SETD1B: variants seen among roughly 807,000 people sequenced by gnomAD.
SETD1B encodes the protein histone-lysine N-methyltransferase SETD1B.
A neutral mutation model predicts 148.0 loss-of-function variants in SETD1B; 7 were observed. The observed-to-expected ratio is 0.05, with a 90% CI of 0.03 to 0.09. SETD1B has a LOEUF of 0.09. Ranked by LOEUF, SETD1B falls within the 10% of genes least tolerant of loss-of-function variation. The pLI is 1.00. For synonymous variants in SETD1B, 1,361 were observed against 1,186.5 expected (o/e 1.15, Z -3.02); for missense variants, 2,155 against 2,729.9 (o/e 0.79, Z 4.69).
intron 10 of SETD1B, among the ~76,000 whole-genome samples, chr12:121,818,307 A>G (rs1310187580): frequency 6.6e-6 from 1 of 152,234 alleles, no homozygotes; most frequent in African/African-American, 2.4e-5. Context: ...TTACACCTGT[A>G]ATCCCAGCAC....
intron 10 of SETD1B, 136 bp downstream of exon 10, chr12:121,818,040 C>T: frequency 2.4e-6 from 2 of 848,020 alleles, no homozygotes; most frequent in Non-Finnish European, 3.6e-6. Flanking sequence ...AACACACACA[C>T]AGGGTGGCGT....
intron 6 of SETD1B, among the ~76,000 whole-genome samples, chr12:121,811,340 C>A (rs1477444268): frequency 6.6e-6 from 1 of 151,922 alleles, no homozygotes; most frequent in African/African-American, 2.4e-5. Flanking sequence ...GAGCCTGGTG[C>A]CCTCTGAAGA....
chr12:121,805,713 AG>A lies in SETD1B; in HGVS notation c.274-121del. On this transcript the variant is annotated intron_variant, in intron 3 of 16. Coordinates refer to ENST00000604567, the MANE Select transcript of SETD1B (RefSeq NM_001353345.2). This position sits in a 1 kb window ranked among gnomAD's most constrained non-coding sequence, Gnocchi z 4.2. ...AATTTTTTTTTTTTTTTTAATTTTTAGTTTTTTTACCCTTTATTGTTTTCAA... is the reference window on the plus strand; with the variant it reads ...AATTTTTTTTTTTTTTTTAATTTTTATTTTTTTACCCTTTATTGTTTTCAA... 1 of 666,504 alleles carries A rather than the reference AG, an allele frequency of 1.5e-6. No individual in the cohort carries two copies. 41.3% of individuals were successfully genotyped at this position (666,504 alleles called of 1,614,324 possible).
chr12:121,823,442 C>A lies in SETD1B; in HGVS notation c.4863C>A (p.Gly1621=), dbSNP rs756223671. Residue 1621 remains glycine, a synonymous_variant, in exon 12 of 17, where the codon GGC becomes GGA. Coordinates refer to ENST00000604567, the MANE Select transcript of SETD1B (RefSeq NM_001353345.2). ...NQWPSEAIPP[G]PRGRDEVTEE... ...GGCCCTCCGAGGCCATTCCTCCGGGCCCCCGTGGGCGCGATGAGGTCACTG... is the reference window on the plus strand; with the variant it reads ...GGCCCTCCGAGGCCATTCCTCCGGGACCCCGTGGGCGCGATGAGGTCACTG... 7.1e-6 allele frequency: 11 copies of A among 1,548,950 alleles called. No homozygotes were observed. The highest frequency in any genetic ancestry group is 3.6e-5 in the South Asian group (3 of 84,032).
chr12:121,828,787 A>G (rs1876960056), intron 16 of SETD1B, among the ~76,000 whole-genome samples: 1 of 152,242 alleles, frequency 6.6e-6, no homozygotes, highest in Admixed American at 6.5e-5. Context: ...TCTGTAAAAC[A>G]GAGACAATAA....
chr12:121,814,598 C>T lies in SETD1B; in HGVS notation c.2383C>T (p.Pro795Ser). The stretch of plus-strand genomic sequence containing the variant: ...GACGGGCCAGGGCGCCTGCCCCTAC[C>T]CGCCCTTCATGGCCGCTGCGGCCGC... ...LMTGQGACPY[P>S]PFMAAAAAAA... Residue 795 changes from proline to serine, a missense_variant, in exon 7 of 17, where the codon CCG becomes TCG. Physicochemically the swap from Pro to Ser is moderately conservative, Grantham distance 74 (BLOSUM62 -1). This residue lies in a region of SETD1B where 289 missense variants were observed against 423.7 expected (regional missense o/e 0.68). Coordinates refer to ENST00000604567, the MANE Select transcript of SETD1B (RefSeq NM_001353345.2). The T allele has an allele frequency of 2.0e-6, 3 of 1,536,470 alleles. No homozygotes were observed. Among genetic ancestry groups the T allele is most frequent in the Non-Finnish European group, 1.8e-6 (2 of 1,138,182 alleles).
chr12:121,790,483 T>C, the SETD1B span, among the ~76,000 whole-genome samples: 2 of 152,230 alleles, frequency 1.3e-5, no homozygotes, highest in Non-Finnish European at 2.9e-5. Flanking sequence ...ATGAATCATC[T>C]CCGGCATTCG....
rs1193261034 is a variant in SETD1B, at chr12:121,805,538, A to G, written c.274-297A>G. Among the ~76,000 whole-genome samples the G allele has an allele frequency of 1.3e-5, 2 of 152,104 alleles. No homozygotes were observed. Among genetic ancestry groups the G allele is most frequent in the Non-Finnish European group, 2.9e-5 (2 of 67,992 alleles). ...CCTGAGGGGTCGCCCCTGACCCGGC[A>G]GCAGGAAGAGAAGGCCAGAAAGGGG... On this transcript the variant is annotated intron_variant, in intron 3 of 16. Transcript: ENST00000604567. This position sits in a 1 kb window ranked among gnomAD's most constrained non-coding sequence, Gnocchi z 4.2.
intron 16 of SETD1B, among the ~76,000 whole-genome samples, chr12:121,829,523 C>T (rs977867244): frequency 2.0e-5 from 3 of 152,314 alleles, no homozygotes; most frequent in Middle Eastern, 3.4e-3. Flanking sequence ...CCCAGGGCTG[C>T]CACTGGCAGA....
intron 10 of SETD1B, among the ~76,000 whole-genome samples, chr12:121,818,596 G>A (rs1230080027): frequency 6.6e-6 from 1 of 151,496 alleles, no homozygotes; most frequent in South Asian, 2.1e-4. Context: ...TTTTTACAAA[G>A]TGAGCAGTTT....
Position 121,805,494 on chromosome 12 carries a change from TA to T in SETD1B, c.273+279del, listed in dbSNP as rs757775577. Reference sequence around the variant, plus strand: ...AGACTCTCCCCTCTCGCTAGCCCACTACAGGACAACTTCTTAAGCCTGAGGG... The same window carrying T: ...AGACTCTCCCCTCTCGCTAGCCCACTCAGGACAACTTCTTAAGCCTGAGGG... On this transcript the variant is annotated intron_variant, in intron 3 of 16. Transcript: ENST00000604567. The surrounding 1 kb of genome is among the most constrained non-coding windows in gnomAD (Gnocchi z 4.2). Among the ~76,000 whole-genome samples, 2 of 152,034 alleles carry T rather than the reference TA, an allele frequency of 1.3e-5. No homozygotes were observed. The highest frequency in any genetic ancestry group is 1.3e-4 in the Admixed American group (2 of 15,270).
chr12:121,797,002 C>T, the SETD1B span, among the ~76,000 whole-genome samples: 1 of 151,008 alleles, frequency 6.6e-6, no homozygotes, highest in African/African-American at 2.4e-5. Flanking sequence ...ACACCATTGC[C>T]TGGGCAACAA....
At chr12:121,800,174 C>G (rs952808259), upstream of SETD1B, 13 of 152,120 alleles carry the variant, frequency 8.5e-5, no homozygotes, top group African/African-American at 3.1e-4. Context: ...CCGCCCGCAC[C>G]CTCCCCGGGA....
Position 121,816,689 on chromosome 12 carries a change from GA to G in SETD1B, c.2716-340del, listed in dbSNP as rs374521565. Among the ~76,000 whole-genome samples, 34 of 152,342 alleles carry G rather than the reference GA, an allele frequency of 2.2e-4. 1 individual carries two copies. In the East Asian group the frequency reaches 5.8e-3, roughly 26 times the overall value. ...GTTTTTAATGCATGGGAAGAGAAGAGAAAATGGGATAGTGTAAATCTTACCT... is the reference window on the plus strand; with the variant it reads ...GTTTTTAATGCATGGGAAGAGAAGAGAAATGGGATAGTGTAAATCTTACCT... On this transcript the variant is annotated intron_variant, in intron 7 of 16. Coordinates refer to ENST00000604567, the MANE Select transcript of SETD1B (RefSeq NM_001353345.2).
At position 121,808,416 on chromosome 12, in the gene SETD1B, C is replaced by T; in HGVS notation, c.657+96C>T. 1.4e-6 allele frequency: 1 copy of T among 732,034 alleles called. No individual in the cohort carries two copies. Among genetic ancestry groups the T allele is most frequent in the Non-Finnish European group, 2.3e-6 (1 of 432,666 alleles). 45.3% of individuals were successfully genotyped at this position (732,034 alleles called of 1,614,324 possible). ...CCAACTCTCTTATGGGACCCCCAGC[C>T]TACCCCCACCTCACTCCAGCTTTGG... On this transcript the variant is annotated intron_variant, in intron 5 of 16. Coordinates refer to ENST00000604567, the MANE Select transcript of SETD1B (RefSeq NM_001353345.2). The surrounding 1 kb of genome is among the most constrained non-coding windows in gnomAD (Gnocchi z 5.3).
chr12:121,825,244 A>G lies in SETD1B; in HGVS notation c.5215A>G (p.Ile1739Val). 1 of 1,551,770 alleles carries G rather than the reference A, an allele frequency of 6.4e-7. No homozygotes were observed. The highest frequency in any genetic ancestry group is 8.7e-7 in the Non-Finnish European group (1 of 1,147,028). The change falls in exon 13 of 17, where the codon ATC becomes GTC. Residue 1739 changes from isoleucine (I) to valine (V), a missense_variant. Physicochemically the swap from Ile to Val is conservative, Grantham distance 29. Coordinates refer to ENST00000604567, the MANE Select transcript of SETD1B (RefSeq NM_001353345.2). ...TAAGAAGAAGAAACGGGACGATGGC[A>G]TCCGCGAGCACGTGACGGGCTGTGC... ...SAKKKKRDDG[I>V]REHVTGCARS...
chr12:121,810,974 A>C lies in SETD1B; in HGVS notation c.1890+139A>C. On this transcript the variant is annotated intron_variant, in intron 6 of 16. Coordinates refer to ENST00000604567, the MANE Select transcript of SETD1B (RefSeq NM_001353345.2). This position sits in a 1 kb window ranked among gnomAD's most constrained non-coding sequence, Gnocchi z 7.6. ...AAAGCCAATATAACAGGTGGAACTT[A>C]CAGAATAAAAAGGGGATGCAGAAAA... The C allele has an allele frequency of 1.7e-6, 2 of 1,159,906 alleles. No individual in the cohort carries two copies. Among genetic ancestry groups the C allele is most frequent in the Non-Finnish European group, 2.3e-6 (2 of 854,682 alleles). 71.9% of individuals were successfully genotyped at this position (1,159,906 alleles called of 1,614,324 possible). A position where few individuals can be genotyped will look rare whatever the true frequency, so the allele number is the denominator to read the frequency against.
chr12:121,819,915 G>A lies in SETD1B; in HGVS notation c.3910+20G>A, dbSNP rs759097750. On this transcript the variant is annotated intron_variant, in intron 11 of 16. Transcript: ENST00000604567. ...CTCCAGGTAACACCTGCAACCCCCTGGGAGGGTGGTGGGAGGGAGGCAGGA... is the reference window on the plus strand; with the variant it reads ...CTCCAGGTAACACCTGCAACCCCCTAGGAGGGTGGTGGGAGGGAGGCAGGA... 7.1e-6 allele frequency: 11 copies of A among 1,541,180 alleles called. No homozygotes were observed. Among genetic ancestry groups the A allele is most frequent in the Middle Eastern group, 3.4e-4 (2 of 5,920 alleles).
In SETD1B at chr12:121,830,563, C is replaced by G. The variant is rs568441222; in HGVS notation, c.*324C>G. 9 of 253,478 alleles carry G rather than the reference C, an allele frequency of 3.6e-5. No homozygotes were observed. The highest frequency in any genetic ancestry group is 1.6e-4 in the African/African-American group (7 of 45,090). 15.7% of individuals were successfully genotyped at this position (253,478 alleles called of 1,614,324 possible). A position where few individuals can be genotyped will look rare whatever the true frequency, so the allele number is the denominator to read the frequency against. The stretch of plus-strand genomic sequence containing the variant: ...TCTCTCTTCTCTGTCTCTTCTCTCT[C>G]CCACCATCACCCTCGGCCTCTTCCT... On this transcript the variant is annotated 3_prime_UTR_variant, in exon 17 of 17. Coordinates refer to ENST00000604567, the MANE Select transcript of SETD1B (RefSeq NM_001353345.2). This position sits in a 1 kb window ranked among gnomAD's most constrained non-coding sequence, Gnocchi z 5.7.
Sources: gnomAD v4.1 joint callset for allele counts (sites outside exome capture counted in the v4.1 genomes callset) on GRCh38, gnomAD v4.1.1 for gene constraint, gnomAD v4.1.1 regional missense constraint, Gnocchi (gnomAD v3.1) non-coding constraint, MANE v1.5 for transcripts, NCBI Gene and HGNC (gene_info 2026-07-23, HGNC 2026-07-21) for gene names.